The following DLG1 variants were observed in gnomAD, a reference collection of about 807,000 sequenced individuals.
The protein encoded by DLG1 is discs large MAGUK scaffold protein 1, also known as disks large homolog 1.
In DLG1, 42 loss-of-function variants were observed where a neutral mutation model predicts 123.4. The ratio of observed to expected loss-of-function variants is 0.34; its 90% confidence interval spans 0.27 to 0.44. The LOEUF (loss-of-function observed/expected upper bound fraction) is 0.44. Among genes scored for constraint, DLG1 ranks in the 20% least tolerant of loss-of-function variants. DLG1 has a pLI of 1.00. For synonymous variants in DLG1, 317 were observed against 356.2 expected (o/e 0.89, Z 1.24); for missense variants, 942 against 1,082.6 (o/e 0.87, Z 1.82).
intron 13 of DLG1, among the ~76,000 whole-genome samples, chr3:197,113,883 T>G (rs1472821613): frequency 6.6e-6 from 1 of 152,136 alleles, no homozygotes; most frequent in African/African-American, 2.4e-5. Flanking sequence ...CTTGGGAGGC[T>G]CAGGCAGGAA....
At chr3:197,208,441 C>T (rs1364341106) in intron 4 of DLG1, among the ~76,000 whole-genome samples, 2 of 146,558 alleles carry the variant, frequency 1.4e-5, no homozygotes, top group East Asian at 3.9e-4. Flanking sequence ...TGTTTACAAT[C>T]GAAGTGTGTA....
intron 14 of DLG1, among the ~76,000 whole-genome samples, chr3:197,094,601 T>G (rs917950633): frequency 6.6e-6 from 1 of 152,208 alleles, no homozygotes; most frequent in Non-Finnish European, 1.5e-5. Flanking sequence ...TCAGAGCATA[T>G]AGCTTTTTCA....
chr3:197,221,580 G>A (rs978414699), intron 4 of DLG1, among the ~76,000 whole-genome samples: 1 of 151,600 alleles, frequency 6.6e-6, no homozygotes, highest in Non-Finnish European at 1.5e-5. Flanking sequence ...ACTCAATAAA[G>A]CTATGTTTCA....
chr3:197,292,441 G>A (rs1454911085), intron 3 of DLG1, among the ~76,000 whole-genome samples: 1 of 152,194 alleles, frequency 6.6e-6, no homozygotes, highest in Non-Finnish European at 1.5e-5. Flanking sequence ...TGGTCACAAG[G>A]GGCTGGGAAG....
intron 4 of DLG1, among the ~76,000 whole-genome samples, chr3:197,216,232 C>T (rs1398236597): frequency 6.6e-6 from 1 of 152,086 alleles, no homozygotes; most frequent in Non-Finnish European, 1.5e-5. Flanking sequence ...CTTCAGACAC[C>T]AACTTGGTAA....
intron 5 of DLG1, among the ~76,000 whole-genome samples, chr3:197,167,093 A>G (rs79225209): frequency 0.041 from 6,295 of 152,154 alleles, 175 homozygotes; most frequent in Non-Finnish European, 0.054. Context: ...CCAGACTGGG[A>G]ACAATCTGTA....
At chr3:197,255,639 A>C (rs1479148148) in intron 4 of DLG1, among the ~76,000 whole-genome samples, 3 of 152,216 alleles carry the variant, frequency 2.0e-5, no homozygotes, top group Non-Finnish European at 4.4e-5. Context: ...ATGGAATATT[A>C]CACAGCAATA....
At chr3:197,201,131 C>G (rs1263232201) in intron 4 of DLG1, among the ~76,000 whole-genome samples, 1 of 152,230 alleles carries the variant, frequency 6.6e-6, no homozygotes, top group African/African-American at 2.4e-5. Context: ...CGCCTCTAAT[C>G]CCAGCACTTT....
At chr3:197,067,488 C>G (rs1740397385) in intron 19 of DLG1, among the ~76,000 whole-genome samples, 1 of 149,144 alleles carries the variant, frequency 6.7e-6, no homozygotes, top group African/African-American at 2.5e-5. Flanking sequence ...ATAAAAGAGT[C>G]TACAAATTAT....
At chr3:197,212,244 G>A (rs959177231) in intron 4 of DLG1, among the ~76,000 whole-genome samples, 4 of 146,192 alleles carry the variant, frequency 2.7e-5, no homozygotes, top group African/African-American at 7.3e-5. Context: ...AAACCCTACC[G>A]CTAATGCACA....
chr3:197,191,226 A>T (rs1719322994), intron 5 of DLG1, among the ~76,000 whole-genome samples: 1 of 152,150 alleles, frequency 6.6e-6, no homozygotes, highest in African/African-American at 2.4e-5. Flanking sequence ...CCCTTGCATA[A>T]GGGAAACGGA....
chr3:197,056,354 T>C (rs1731681612), intron 23 of DLG1, among the ~76,000 whole-genome samples: 1 of 152,208 alleles, frequency 6.6e-6, no homozygotes, highest in Admixed American at 6.5e-5. Context: ...AAAAAATTGT[T>C]TGATTCAATT....
intron 3 of DLG1, among the ~76,000 whole-genome samples, chr3:197,293,258 C>T (rs1775789028): frequency 6.6e-6 from 1 of 152,246 alleles, no homozygotes; most frequent in Admixed American, 6.5e-5. Flanking sequence ...TAAGATACAA[C>T]TTTAAATATT....
chr3:197,091,903 T>C (rs1056203785), intron 14 of DLG1, among the ~76,000 whole-genome samples: 2 of 152,168 alleles, frequency 1.3e-5, no homozygotes, highest in Admixed American at 6.5e-5. Flanking sequence ...AGAGTAAGCA[T>C]GATTATTGTT....
At chr3:197,106,628 G>C (rs1766591006) in intron 13 of DLG1, among the ~76,000 whole-genome samples, 1 of 152,136 alleles carries the variant, frequency 6.6e-6, no homozygotes, top group Non-Finnish European at 1.5e-5. Flanking sequence ...GTTTTTCACA[G>C]ATTATTGTAG....
At chr3:197,155,230 T>G (rs1795836714) in intron 5 of DLG1, among the ~76,000 whole-genome samples, 3 of 152,188 alleles carry the variant, frequency 2.0e-5, no homozygotes, top group Admixed American at 2.0e-4. Flanking sequence ...TCAGCAGACT[T>G]CACATCAGAC....
At chr3:197,225,047 C>T (rs1406753712) in intron 4 of DLG1, among the ~76,000 whole-genome samples, 2 of 152,208 alleles carry the variant, frequency 1.3e-5, no homozygotes, top group African/African-American at 4.8e-5. Flanking sequence ...AGCTCCGCCT[C>T]CTGGGTTCAC....
chr3:197,089,094 C>T (rs534009685), intron 15 of DLG1, among the ~76,000 whole-genome samples: 42 of 152,112 alleles, frequency 2.8e-4, no homozygotes, highest in African/African-American at 9.6e-4. Context: ...AATATAGAGG[C>T]GAAGGCTTCA....
At chr3:197,061,945 C>T (rs937042152) in intron 22 of DLG1, among the ~76,000 whole-genome samples, 3 of 152,156 alleles carry the variant, frequency 2.0e-5, no homozygotes, top group African/African-American at 4.8e-5. Flanking sequence ...CAAATGTTCA[C>T]TAATTTTAGA....
Sources: gnomAD v4.1 joint callset for allele counts (sites outside exome capture counted in the v4.1 genomes callset) on GRCh38, gnomAD v4.1.1 for gene constraint, MANE v1.5 for transcripts, NCBI Gene and HGNC (gene_info 2026-07-23, HGNC 2026-07-21) for gene names.